PTPRH: variants seen among roughly 807,000 people sequenced by gnomAD.
The protein encoded by PTPRH is receptor-type tyrosine-protein phosphatase H.
In PTPRH, 113 loss-of-function variants were observed where a neutral mutation model predicts 130.2. That is an observed-to-expected ratio of 0.87 (90% CI 0.75 to 1.01). The LOEUF is 1.01. PTPRH is among the 50% of genes least tolerant of loss of function. The pLI, the probability that PTPRH is intolerant of heterozygous loss-of-function variation, is 0.00. For missense variants in PTPRH, 1,430 were observed against 1,425.0 expected (o/e 1.00, Z -0.06); for synonymous variants, 556 against 577.9 (o/e 0.96, Z 0.54).
intron 4 of PTPRH, 99 bp from the exon 5 acceptor site, chr19:55,204,147 T>A (rs2086967852): frequency 3.1e-6 from 4 of 1,294,230 alleles, no homozygotes; most frequent in Non-Finnish European, 4.2e-6. Flanking sequence ...CGAGACAGAG[T>A]CTCTGTCTGT....
At chr19:55,191,798 C>T (rs1291147607) in intron 10 of PTPRH, 57 bp from the exon 11 acceptor site, 2 of 1,445,780 alleles carry the variant, frequency 1.4e-6, no homozygotes, top group East Asian at 4.5e-5. Flanking sequence ...GCTCATCTGT[C>T]TCCAACCCTG....
intron 13 of PTPRH, 79 bp from the exon 14 acceptor site, chr19:55,187,682 C>T (rs1568895911): frequency 3.9e-6 from 4 of 1,019,246 alleles, no homozygotes; most frequent in East Asian, 4.8e-5. Flanking sequence ...GCTCCCCTTG[C>T]CTTCTTCGGC....
At chr19:55,191,792 A>T (rs1266003503) in intron 10 of PTPRH, 51 bp from the exon 11 acceptor site, 2 of 1,482,648 alleles carry the variant, frequency 1.3e-6, no homozygotes, top group Admixed American at 1.7e-5. Flanking sequence ...TGAGCTGCTC[A>T]TCTGTCTCCA....
intron 6 of PTPRH, among the ~76,000 whole-genome samples, chr19:55,201,733 A>G (rs1309152495): frequency 1.3e-5 from 2 of 152,170 alleles, no homozygotes; most frequent in Admixed American, 1.3e-4. Context: ...GAGTGTCCCC[A>G]CTCACAGTAT....
chr19:55,187,071 C>T (rs1227853500), intron 14 of PTPRH, among the ~76,000 whole-genome samples: 9 of 144,056 alleles, frequency 6.2e-5, no homozygotes, highest in East Asian at 4.2e-4. Context: ...GGGGGCCGGG[C>T]GCAGTGGCTC....
Position 55,191,712 on chromosome 19 carries a change from G to C in PTPRH, c.2287C>G (p.Leu763Val). The change falls in exon 11 of 20, where the codon CTC (leucine) becomes GTC (valine). Residue 763 changes from leucine to valine, a missense_variant. Transcript: ENST00000376350. ...GVIAGAFVGI[L>V]LFLILVGLLI... Reference sequence around the variant, plus strand: ...AGGCCCACGAGGATGAGAAACAGGAGGATGCCCACAAAGGCTCCGGCAATG... The same window carrying C: ...AGGCCCACGAGGATGAGAAACAGGACGATGCCCACAAAGGCTCCGGCAATG... 6.2e-7 allele frequency: 1 copy of C among 1,614,114 alleles called. No homozygotes were observed. The highest frequency in any genetic ancestry group is 8.5e-7 in the Non-Finnish European group (1 of 1,180,008).
At chr19:55,196,830 G>A in intron 9 of PTPRH, 42 bp from the exon 10 acceptor site, 2 of 1,589,800 alleles carry the variant, frequency 1.3e-6, no homozygotes, top group South Asian at 2.3e-5. Context: ...CATCCAAGGT[G>A]GCTTTCCACC....
At chr19:55,207,581 G>T (rs1333738203) in intron 1 of PTPRH, among the ~76,000 whole-genome samples, 2 of 151,962 alleles carry the variant, frequency 1.3e-5, no homozygotes, top group African/African-American at 4.8e-5. Flanking sequence ...GGGCCTGGGG[G>T]CCTGGGGGCC....
chr19:55,199,750 A>AAAG lies in PTPRH; in HGVS notation c.1420+483_1420+485dup, dbSNP rs1252918348. Among the ~76,000 whole-genome samples the AAAG allele has an allele frequency of 6.8e-5, 10 of 147,494 alleles. 1 individual carries two copies. Among genetic ancestry groups the AAAG allele is most frequent in the African/African-American group, 2.5e-4 (10 of 39,736 alleles). ...AGGAAGGAGGGAAGGAAAGAGAAGG[A>AAAG]AAGAAAGAGAAAGAGAAAGAAAGAA... On this transcript the variant is annotated intron_variant, in intron 7 of 19. Transcript: ENST00000376350.
chr19:55,187,261 C>A (rs1202941682), intron 14 of PTPRH, among the ~76,000 whole-genome samples: 1 of 132,072 alleles, frequency 7.6e-6, no homozygotes, highest in African/African-American at 3.0e-5. Flanking sequence ...AGGAGAATGG[C>A]GTGAACCCGG....
intron 10 of PTPRH, among the ~76,000 whole-genome samples, chr19:55,192,526 G>A (rs904502057): frequency 3.9e-5 from 6 of 152,026 alleles, no homozygotes; most frequent in African/African-American, 1.4e-4. Flanking sequence ...AGTTTTGGGG[G>A]AGTCAAAAGT....
At chr19:55,205,299 G>A (rs1381140664) in intron 4 of PTPRH, 27 bp downstream of exon 4, 1 of 1,613,502 alleles carries the variant, frequency 6.2e-7, no homozygotes. Flanking sequence ...ACAAGTAAGA[G>A]CAAAACAAAT....
intron 17 of PTPRH, 53 bp downstream of exon 17, chr19:55,185,809 G>A: frequency 2.5e-6 from 4 of 1,613,152 alleles, no homozygotes; most frequent in Non-Finnish European, 3.4e-6. Flanking sequence ...CTGGATGCAT[G>A]GCATATGTCA....
At chr19:55,198,402 T>C (rs1568913990) in intron 8 of PTPRH, among the ~76,000 whole-genome samples, 1 of 151,626 alleles carries the variant, frequency 6.6e-6, no homozygotes, top group Non-Finnish European at 1.5e-5. Flanking sequence ...AATTGAGGGC[T>C]CCCCCTGACC....
intron 7 of PTPRH, among the ~76,000 whole-genome samples, chr19:55,199,384 G>A (rs1267553842): frequency 6.6e-6 from 1 of 152,178 alleles, no homozygotes; most frequent in East Asian, 1.9e-4. Context: ...CAAGGTGGGT[G>A]ACTTGAGGCC....
chr19:55,199,288 C>T (rs889963937), intron 7 of PTPRH, among the ~76,000 whole-genome samples: 1 of 152,062 alleles, frequency 6.6e-6, no homozygotes, highest in Non-Finnish European at 1.5e-5. Context: ...GCCTGGGAGA[C>T]AGAGCAGGAC....
rs764089572 is a variant in PTPRH, at chr19:55,206,802, G to A, written c.239C>T (p.Thr80Ile). Residue 80 changes from threonine to isoleucine, a missense_variant, in exon 3 of 20, where the codon ACA becomes ATA. Physicochemically the swap from Thr to Ile is moderately conservative, Grantham distance 89. Transcript: ENST00000376350. ...DGGTTETRNT[T>I]ATNVTVDGLG... ...GCCATCCACGGTGACGTTGGTGGCT[G>A]TTGTGTTTCGAGTCTCTGTTGTGCC... The A allele has an allele frequency of 5.0e-6, 8 of 1,614,194 alleles. No homozygotes were observed. Among genetic ancestry groups the A allele is most frequent in the Middle Eastern group, 1.6e-4 (1 of 6,062 alleles).
chr19:55,208,415 G>A (rs1423172230), intron 1 of PTPRH, among the ~76,000 whole-genome samples: 3 of 6,924 alleles, frequency 4.3e-4, no homozygotes, highest in African/African-American at 8.9e-4. Context: ...GGGAGGAGGG[G>A]CTGGGGTCTG....
In PTPRH at chr19:55,206,885, G is replaced by A. The variant is rs1600084961; in HGVS notation, c.156C>T (p.Val52=). The part of the protein sequence containing the change: ...TTSSISLSWE[V]PDGLDSQNSN... ...AGTTCTGTGAGTCTAGGCCATCGGG[G>A]ACCTCCCAGCTCAGGGAGATGGAGC... Residue 52 remains valine (V), a synonymous_variant, in exon 3 of 20, where the codon GTC becomes GTT. Coordinates refer to ENST00000376350, the MANE Select transcript of PTPRH (RefSeq NM_002842.5). The A allele has an allele frequency of 6.2e-7, 1 of 1,613,768 alleles. No homozygotes were observed. The highest frequency in any genetic ancestry group is 1.1e-5 in the South Asian group (1 of 91,064).
Sources: gnomAD v4.1 joint callset for allele counts (sites outside exome capture counted in the v4.1 genomes callset) on GRCh38, gnomAD v4.1.1 for gene constraint, MANE v1.5 for transcripts, NCBI Gene and HGNC (gene_info 2026-07-23, HGNC 2026-07-21) for gene names.